ATP6V1B1: variants seen among roughly 807,000 people sequenced by gnomAD.
The protein encoded by ATP6V1B1 is V-type proton ATPase subunit B, kidney isoform.
ATP6V1B1 carries 41 observed loss-of-function variants against 62.1 expected under a neutral mutation model. That is an observed-to-expected ratio of 0.66 (90% CI 0.51 to 0.86). ATP6V1B1 has a LOEUF of 0.86. ATP6V1B1 is among the 40% of genes least tolerant of loss of function. The probability of loss-of-function intolerance (pLI) is 0.00; values close to 1 mark genes in which losing one functional copy is unlikely to be tolerated. For missense variants in ATP6V1B1, 651 were observed against 697.5 expected, an observed-to-expected ratio of 0.93 and a Z score of 0.75; for synonymous variants, 253 against 273.4, an observed-to-expected ratio of 0.93 and a Z score of 0.74.
Position 70,943,539 on chromosome 2 carries a change from C to T in ATP6V1B1, c.119-119C>T, listed in dbSNP as rs17040279. ...GCCCTGTCACAGCTAATGACCCTGA[C>T]GGCCCAGGCTGGGAAGGAGGTGGGG... On this transcript the variant is annotated intron_variant, in intron 1 of 13. Coordinates refer to ENST00000234396, the MANE Select transcript of ATP6V1B1 (RefSeq NM_001692.4). 1,187 of 1,078,160 alleles carry T rather than the reference C, an allele frequency of 1.1e-3. 8 individuals are homozygous for T. The African/African-American group carries it at 0.016, about 14-fold the overall frequency. The allele number at this position is 1,078,160 out of a possible 1,614,324, so 66.8% of individuals were successfully genotyped here.
intron 2 of ATP6V1B1, among the ~76,000 whole-genome samples, chr2:70,955,613 G>A (rs1680415777): frequency 6.6e-6 from 1 of 151,960 alleles, no homozygotes; most frequent in Non-Finnish European, 1.5e-5. Context: ...TTTTCACTTA[G>A]CATAATATTT....
chr2:70,941,228 T>G (rs1330945104), intron 1 of ATP6V1B1: 5 of 969,776 alleles, frequency 5.2e-6, no homozygotes, highest in Non-Finnish European at 6.1e-6. Context: ...AAATATTTCT[T>G]GAGTGTGTAC....
At chr2:70,941,099 G>T (rs1303703654) in intron 1 of ATP6V1B1, 1 of 460,060 alleles carries the variant, frequency 2.2e-6, no homozygotes, top group Non-Finnish European at 2.9e-6. Flanking sequence ...AAATTTTTCT[G>T]TAGAGACGAG....
Position 70,963,364 on chromosome 2 carries a change from C to T in ATP6V1B1, c.1060+52C>T, listed in dbSNP as rs1553420471. 19 of 1,611,660 alleles carry T rather than the reference C, an allele frequency of 1.2e-5. No homozygotes were observed. The highest frequency in any genetic ancestry group is 4.4e-5 in the South Asian group (4 of 91,076). Reference sequence around the variant, plus strand: ...CCAGAGCTCCCCTGTCCTCCCTTTTCCAACCAGATACTTAAAGGGCCCACG... The same window carrying T: ...CCAGAGCTCCCCTGTCCTCCCTTTTTCAACCAGATACTTAAAGGGCCCACG... On this transcript the variant is annotated intron_variant, in intron 10 of 13. Transcript: ENST00000234396. The surrounding 1 kb of genome is among the most constrained non-coding windows in gnomAD (Gnocchi z 4.3).
intron 4 of ATP6V1B1, 43 bp downstream of exon 4, chr2:70,958,469 C>T (rs1334071695): frequency 4.4e-6 from 7 of 1,577,802 alleles, no homozygotes; most frequent in African/African-American, 1.3e-5. Context: ...CTCCTCTGCC[C>T]TCCCAGCCCA....
chr2:70,964,278 C>G (rs1216958242), intron 11 of ATP6V1B1, among the ~76,000 whole-genome samples, 160 bp from the exon 12 acceptor site: 1 of 151,998 alleles, frequency 6.6e-6, no homozygotes, highest in Non-Finnish European at 1.5e-5. Context: ...ACAGCTGATG[C>G]CCAAGCCCTA....
rs1330390005 is a variant in ATP6V1B1 at position 70,945,717 on chromosome 2, T to G, written c.174+2004T>G. On this transcript the variant is annotated intron_variant, in intron 2 of 13. Coordinates refer to ENST00000234396, the MANE Select transcript of ATP6V1B1 (RefSeq NM_001692.4). ...ATTTGAAGAGATATATATATATATA[T>G]ATATATATATATATATATATATATA... is the stretch of plus-strand genomic sequence containing the variant. Among the ~76,000 whole-genome samples, 919 of 128,838 alleles carry G rather than the reference T, an allele frequency of 7.1e-3. 38 individuals carry two copies. Among genetic ancestry groups the G allele is most frequent in the Middle Eastern group, 0.034 (9 of 262 alleles). 84.5% of individuals were successfully genotyped at this position (128,838 alleles called of 152,430 possible). A position where few individuals can be genotyped will look rare whatever the true frequency, so the allele number is the denominator to read the frequency against.
intron 1 of ATP6V1B1, chr2:70,939,249 A>C (rs1369970495): frequency 6.6e-6 from 1 of 152,340 alleles, no homozygotes; most frequent in Non-Finnish European, 1.5e-5. Context: ...TCCACCAGCC[A>C]GAAGTCCGGA....
In ATP6V1B1 at chr2:70,963,045, G is replaced by A; in HGVS notation, c.910-117G>A. The stretch of plus-strand genomic sequence containing the variant: ...AGTTCCAGGGCTTGGTCTCAGCCTG[G>A]CCATTCCTCCCCTGCCCCCCACTCC... On this transcript the variant is annotated intron_variant, in intron 9 of 13. Coordinates refer to ENST00000234396, the MANE Select transcript of ATP6V1B1 (RefSeq NM_001692.4). This position sits in a 1 kb window ranked among gnomAD's most constrained non-coding sequence, Gnocchi z 4.3. 6.3e-7 allele frequency: 1 copy of A among 1,599,086 alleles called. No individual in the cohort carries two copies. The highest frequency in any genetic ancestry group is 8.5e-7 in the Non-Finnish European group (1 of 1,171,858).
At chr2:70,951,476 G>A (rs936063861) in intron 2 of ATP6V1B1, among the ~76,000 whole-genome samples, 4 of 151,894 alleles carry the variant, frequency 2.6e-5, no homozygotes, top group African/African-American at 9.7e-5. Context: ...TCCAGTCTAG[G>A]GTCAGGTATT....
At chr2:70,956,618 T>A (rs1297464760) in intron 2 of ATP6V1B1, among the ~76,000 whole-genome samples, 1 of 152,198 alleles carries the variant, frequency 6.6e-6, no homozygotes, top group East Asian at 1.9e-4. Flanking sequence ...ATTTTATTTT[T>A]TTGAGACGGA....
chr2:70,962,775 A>G lies in ATP6V1B1; in HGVS notation c.786-2A>G. ...TCTCTAAACACCTGGCTACACCTCC[A>G]GGATCGAGCGGATCATCACCCCGCG... is the stretch of plus-strand genomic sequence containing the variant. On this transcript the variant is annotated splice_acceptor_variant, in intron 8 of 13. Transcript: ENST00000234396. LOFTEE classifies it high-confidence loss of function. 1 of 1,613,750 alleles carries G rather than the reference A, an allele frequency of 6.2e-7. No homozygotes were observed. The highest frequency in any genetic ancestry group is 8.5e-7 in the Non-Finnish European group (1 of 1,179,964).
intron 2 of ATP6V1B1, among the ~76,000 whole-genome samples, chr2:70,945,992 T>G (rs561047211): frequency 6.6e-6 from 1 of 151,922 alleles, no homozygotes; most frequent in South Asian, 2.1e-4. Flanking sequence ...ATGTATCTCC[T>G]CCCTACCCTT....
In ATP6V1B1 at chr2:70,963,144, T is replaced by G; in HGVS notation, c.910-18T>G. On this transcript the variant is annotated intron_variant, in intron 9 of 13. Coordinates refer to ENST00000234396, the MANE Select transcript of ATP6V1B1 (RefSeq NM_001692.4). The surrounding 1 kb of genome is among the most constrained non-coding windows in gnomAD (Gnocchi z 4.3). ...CCTCTCATCCCCTTTCTTACCCCAG[T>G]GCCCATGGATATTGCAGGTCTCTGC... 1.5e-5 allele frequency: 24 copies of G among 1,613,926 alleles called. No homozygotes were observed. The highest frequency in any genetic ancestry group is 2.0e-5 in the Non-Finnish European group (24 of 1,179,972).
rs1553420408 is a variant in ATP6V1B1 at position 70,963,160 on chromosome 2, AG to A, written c.910del. On this transcript the variant is annotated splice_acceptor_variant, in intron 9 of 13. Transcript: ENST00000234396. LOFTEE classifies it high-confidence loss of function. The surrounding 1 kb of genome is among the most constrained non-coding windows in gnomAD (Gnocchi z 4.3). Reference sequence around the variant, plus strand: ...TTACCCCAGTGCCCATGGATATTGCAGGTCTCTGCTGCTAGAGAGGAGGTGC... The same window carrying A: ...TTACCCCAGTGCCCATGGATATTGCAGTCTCTGCTGCTAGAGAGGAGGTGC... 4 of 1,613,806 alleles carry A rather than the reference AG, an allele frequency of 2.5e-6. No homozygotes were observed. Among genetic ancestry groups the A allele is most frequent in the Non-Finnish European group, 3.4e-6 (4 of 1,179,986 alleles).
chr2:70,942,766 C>CCCCTG (rs1680035556), intron 1 of ATP6V1B1, among the ~76,000 whole-genome samples: 1 of 152,196 alleles, frequency 6.6e-6, no homozygotes, highest in African/African-American at 2.4e-5. Flanking sequence ...CCTCACAGAC[C>CCCCTG]CCCTGCCCAC....
At chr2:70,957,613 T>C (rs554047183) in intron 2 of ATP6V1B1, among the ~76,000 whole-genome samples, 2 of 152,228 alleles carry the variant, frequency 1.3e-5, no homozygotes, top group South Asian at 2.1e-4. Flanking sequence ...ATTACATCTT[T>C]ATTGAGGTTT....
Position 70,963,380 on chromosome 2 carries a change from A to G in ATP6V1B1, c.1060+68A>G. 6.2e-7 allele frequency: 1 copy of G among 1,609,910 alleles called. No individual in the cohort carries two copies. Among genetic ancestry groups the G allele is most frequent in the Non-Finnish European group, 8.5e-7 (1 of 1,177,614 alleles). ...CTCCCTTTTCCAACCAGATACTTAA[A>G]GGGCCCACGTTGCTTTGCACAGATG... On this transcript the variant is annotated intron_variant, in intron 10 of 13. Coordinates refer to ENST00000234396, the MANE Select transcript of ATP6V1B1 (RefSeq NM_001692.4). The surrounding 1 kb of genome is among the most constrained non-coding windows in gnomAD (Gnocchi z 4.3).
chr2:70,961,737 C>A, intron 8 of ATP6V1B1, 44 bp downstream of exon 8: 1 of 1,574,284 alleles, frequency 6.4e-7, no homozygotes, highest in Non-Finnish European at 8.7e-7. Flanking sequence ...GTGGGCAGAC[C>A]CCGTCCCCTT....
Sources: allele counts gnomAD v4.1 joint callset (sites outside exome capture counted in the v4.1 genomes callset), GRCh38; gene constraint gnomAD v4.1.1; non-coding constraint Gnocchi (gnomAD v3.1); transcripts MANE v1.5; gene names NCBI Gene and HGNC (gene_info 2026-07-23, HGNC 2026-07-21).